The following ACTR3B variants were observed in gnomAD, a reference collection of about 807,000 sequenced individuals.
The protein encoded by ACTR3B is actin-related protein 3B.
In ACTR3B, 8 loss-of-function variants were observed where a neutral mutation model predicts 59.0. The ratio of observed to expected loss-of-function variants is 0.14; its 90% CI spans 0.08 to 0.24. The LOEUF (loss-of-function observed/expected upper bound fraction) is 0.24. ACTR3B is among the 10% of genes least tolerant of loss of function. ACTR3B has a pLI of 1.00. For synonymous variants in ACTR3B, 148 were observed against 197.9 expected (o/e 0.75, Z 2.12); for missense variants, 245 against 552.3 (o/e 0.44, Z 5.58).
At chr7:152,772,511 C>T (rs1299373201) in intron 1 of ACTR3B, among the ~76,000 whole-genome samples, 2 of 151,624 alleles carry the variant, frequency 1.3e-5, no homozygotes, top group Admixed American at 6.6e-5. Flanking sequence ...GGTGACAAAG[C>T]GAGACTCTGG....
chr7:152,830,518 G>A (rs1796940947), intron 9 of ACTR3B, among the ~76,000 whole-genome samples: 1 of 152,188 alleles, frequency 6.6e-6, no homozygotes, highest in South Asian at 2.1e-4. Flanking sequence ...GAAGCCTGTT[G>A]CAGGGTAAAT....
At chr7:152,770,445 C>G (rs558001455) in intron 1 of ACTR3B, among the ~76,000 whole-genome samples, 2,649 of 151,536 alleles carry the variant, frequency 0.017, 45 homozygotes, top group African/African-American at 0.061. Context: ...TAAAATATAG[C>G]AGGGCATGCT....
At chr7:152,776,919 A>G (rs1203304372) in intron 1 of ACTR3B, among the ~76,000 whole-genome samples, 1 of 152,178 alleles carries the variant, frequency 6.6e-6, no homozygotes, top group African/African-American at 2.4e-5. Flanking sequence ...GTTGTATAGA[A>G]TTTTATTGAA....
At chr7:152,768,922 C>T (rs1379399079) in intron 1 of ACTR3B, among the ~76,000 whole-genome samples, 4 of 151,696 alleles carry the variant, frequency 2.6e-5, no homozygotes, top group South Asian at 2.1e-4. Context: ...GGCGTGATGT[C>T]GGCTCACTGC....
chr7:152,823,205 A>T (rs540065099), intron 7 of ACTR3B, 137 bp from the exon 8 acceptor site: 2 of 1,187,594 alleles, frequency 1.7e-6, no homozygotes, highest in Non-Finnish European at 1.2e-6. Context: ...GGCTTGATGC[A>T]TATCCACACT....
intron 1 of ACTR3B, 125 bp downstream of exon 1, chr7:152,760,051 A>C: frequency 1.2e-6 from 1 of 863,792 alleles, no homozygotes; most frequent in Non-Finnish European, 1.5e-6. Flanking sequence ...TCACCTGGGC[A>C]GGTGGGGCGC....
chr7:152,793,226 CT>C (rs1170771409), intron 2 of ACTR3B, among the ~76,000 whole-genome samples: 1 of 84,512 alleles, frequency 1.2e-5, no homozygotes, highest in African/African-American at 4.8e-5. Context: ...CTTTGCATAC[CT>C]TCTGGTCCTG....
chr7:152,789,819 A>G (rs1040307587), intron 2 of ACTR3B, among the ~76,000 whole-genome samples: 12 of 152,144 alleles, frequency 7.9e-5, no homozygotes, highest in African/African-American at 2.4e-4. Flanking sequence ...TCTACTAGTG[A>G]TAACTGTAGG....
chr7:152,760,832 A>G (rs763463623), intron 1 of ACTR3B, among the ~76,000 whole-genome samples: 6 of 152,156 alleles, frequency 3.9e-5, no homozygotes, highest in Non-Finnish European at 8.8e-5. Flanking sequence ...TGGGAATACA[A>G]GCTTGCCTGC....
At chr7:152,821,664 G>T (rs2116860006) in intron 7 of ACTR3B, among the ~76,000 whole-genome samples, 1 of 152,296 alleles carries the variant, frequency 6.6e-6, no homozygotes, top group Non-Finnish European at 1.5e-5. Flanking sequence ...AATCTGGGCT[G>T]ATGTGCTCGA....
At chr7:152,775,715 C>G (rs374607785) in intron 1 of ACTR3B, among the ~76,000 whole-genome samples, 2 of 150,994 alleles carry the variant, frequency 1.3e-5, no homozygotes. Flanking sequence ...GCCAAGATCA[C>G]GCCATTGCAC....
intron 2 of ACTR3B, among the ~76,000 whole-genome samples, chr7:152,784,776 G>C (rs980651333): frequency 6.6e-6 from 1 of 151,998 alleles, no homozygotes; most frequent in Non-Finnish European, 1.5e-5. Context: ...CAGTGTGTGG[G>C]GTTGCTGGGG....
At chr7:152,851,114 T>G (rs1798769916) in intron 9 of ACTR3B, among the ~76,000 whole-genome samples, 1 of 152,240 alleles carries the variant, frequency 6.6e-6, no homozygotes, top group African/African-American at 2.4e-5. Flanking sequence ...TACTGTGTTT[T>G]TTCTTGTACA....
At chr7:152,849,060 G>T (rs1032707988) in intron 9 of ACTR3B, among the ~76,000 whole-genome samples, 1 of 152,218 alleles carries the variant, frequency 6.6e-6, no homozygotes, top group Non-Finnish European at 1.5e-5. Context: ...GCGTCAGGGG[G>T]CTGCCTCTCG....
intron 1 of ACTR3B, among the ~76,000 whole-genome samples, chr7:152,780,556 T>C (rs1239639464): frequency 6.6e-6 from 1 of 151,880 alleles, no homozygotes; most frequent in Non-Finnish European, 1.5e-5. Context: ...CAGTGTTTAG[T>C]TGAATTTTAG....
At chr7:152,779,269 C>G (rs1186482893) in intron 1 of ACTR3B, among the ~76,000 whole-genome samples, 1 of 151,998 alleles carries the variant, frequency 6.6e-6, no homozygotes, top group Non-Finnish European at 1.5e-5. Context: ...CGCACAGCCC[C>G]TGGGAATCTG....
chr7:152,849,527 G>GTA (rs1798628136), intron 9 of ACTR3B, among the ~76,000 whole-genome samples: 1 of 152,232 alleles, frequency 6.6e-6, no homozygotes, highest in African/African-American at 2.4e-5. Flanking sequence ...CACTGTAGAA[G>GTA]GTTTAGCCCA....
chr7:152,808,682 A>G (rs1399677747), intron 4 of ACTR3B, among the ~76,000 whole-genome samples: 1 of 152,172 alleles, frequency 6.6e-6, no homozygotes, highest in East Asian at 1.9e-4. Flanking sequence ...CTCAGTTTAA[A>G]TATTTTGTTT....
intron 2 of ACTR3B, among the ~76,000 whole-genome samples, chr7:152,796,154 C>G (rs10270492): frequency 0.026 from 3,975 of 152,196 alleles, 78 homozygotes; most frequent in African/African-American, 0.058. Flanking sequence ...CTTAGCAGCT[C>G]TTTCTAAGGA....
Sources: gnomAD v4.1 joint callset for allele counts (sites outside exome capture counted in the v4.1 genomes callset) on GRCh38, gnomAD v4.1.1 for gene constraint, MANE v1.5 for transcripts, NCBI Gene and HGNC (gene_info 2026-07-23, HGNC 2026-07-21) for gene names.